SORBS2: variants seen among roughly 807,000 people sequenced by gnomAD.
SORBS2 encodes sorbin and SH3 domain containing 2.
Under a neutral mutation model 97.7 loss-of-function variants are expected in SORBS2, and 46 were observed. The observed-to-expected ratio is 0.47, with a 90% CI of 0.37 to 0.60. SORBS2 has a LOEUF of 0.60. Among genes scored for constraint, SORBS2 ranks in the 20% least tolerant of loss-of-function variants. SORBS2 has a pLI of 0.00. For missense variants in SORBS2, 1,316 were observed against 1,282.3 expected (o/e 1.03, Z -0.40); for synonymous variants, 476 against 473.4 (o/e 1.01, Z -0.07).
chr4:185,675,650 C>A lies in SORBS2; in HGVS notation c.-46+2773G>T, dbSNP rs77797613. ...TAATACCTACTCCATGAGATTGTGG[C>A]AATTATTAATAAACATAAACAAGCT... On this transcript the variant is annotated intron_variant, in intron 4 of 20. Coordinates refer to the SORBS2 transcript ENST00000284776. Among the ~76,000 whole-genome samples the A allele has an allele frequency of 9.4e-3, 1,435 of 152,208 alleles. 31 individuals carry two copies. Among genetic ancestry groups the A allele is most frequent in the African/African-American group, 0.032 (1,345 of 41,526 alleles).
At chr4:185,875,072 T>A (rs1182598484) in intron 1 of SORBS2, among the ~76,000 whole-genome samples, 1 of 152,130 alleles carries the variant, frequency 6.6e-6, no homozygotes, top group Non-Finnish European at 1.5e-5. Context: ...TACCAGGAAG[T>A]ATGTCCTCAA....
chr4:185,780,886 CT>C (rs1460350011), intron 1 of SORBS2, among the ~76,000 whole-genome samples: 2 of 152,172 alleles, frequency 1.3e-5, no homozygotes, highest in African/African-American at 4.8e-5. Context: ...CTTAAAACCT[CT>C]GTTAGAAGCT....
At chr4:185,733,858 T>C (rs2098663417) in intron 2 of SORBS2, 1 of 152,162 alleles carries the variant, frequency 6.6e-6, no homozygotes, top group Admixed American at 6.5e-5. Flanking sequence ...CTCTTGCAAA[T>C]CAATCAGCCT....
chr4:185,738,140 G>A (rs1308048220), intron 2 of SORBS2, among the ~76,000 whole-genome samples: 5 of 152,224 alleles, frequency 3.3e-5, no homozygotes, highest in Non-Finnish European at 7.3e-5. Flanking sequence ...GGAGCTTTGA[G>A]ATGACACATA....
chr4:185,821,874 G>A (rs772486254), intron 1 of SORBS2, among the ~76,000 whole-genome samples: 1 of 152,238 alleles, frequency 6.6e-6, no homozygotes, highest in Non-Finnish European at 1.5e-5. Context: ...TCATTATTAC[G>A]AAACATGTCT....
intron 2 of SORBS2, among the ~76,000 whole-genome samples, chr4:185,652,100 G>C (rs192347093): frequency 6.6e-6 from 1 of 152,212 alleles, no homozygotes; most frequent in East Asian, 1.9e-4. Context: ...AGCCTTCTGA[G>C]TAGCTGGGAT....
chr4:185,626,769 A>G (rs2096822822), intron 6 of SORBS2, 63 bp downstream of exon 18: 3 of 1,521,192 alleles, frequency 2.0e-6, no homozygotes, highest in Non-Finnish European at 2.7e-6. Flanking sequence ...GCCAGCTTTC[A>G]CACAGTGCTC....
chr4:185,867,481 G>A (rs2099227590), intron 1 of SORBS2, among the ~76,000 whole-genome samples: 1 of 152,180 alleles, frequency 6.6e-6, no homozygotes, highest in South Asian at 2.1e-4. Flanking sequence ...TGTCATGTCT[G>A]CAAGATCTAT....
intron 1 of SORBS2, among the ~76,000 whole-genome samples, chr4:185,921,188 G>T (rs541875022): frequency 6.6e-6 from 1 of 152,212 alleles, no homozygotes. Flanking sequence ...TCTCGTAGAC[G>T]TTAGACAGCT....
At chr4:185,731,512 GCCTATCTCTCTCCCCCTCCCTCTCTC>G (rs1294681852) in intron 2 of SORBS2, among the ~76,000 whole-genome samples, 47 of 65,972 alleles carry the variant, frequency 7.1e-4, no homozygotes, top group African/African-American at 2.8e-3. Flanking sequence ...CTCCCTCCCT[GCCTATCTCTCTCCCCCTCCCTCTCTC>G]CCTGCCTCTC....
chr4:185,921,266 A>G (rs1320903599), intron 1 of SORBS2, among the ~76,000 whole-genome samples: 1 of 152,232 alleles, frequency 6.6e-6, no homozygotes, highest in Non-Finnish European at 1.5e-5. Flanking sequence ...TGGGGATAAC[A>G]TCAATACCGT....
Position 185,607,161 on chromosome 4 carries a change from A to C in SORBS2, c.2796+4619T>G. On this transcript the variant is annotated intron_variant, in intron 12 of 14. Transcript: ENST00000418609. This position sits in a 1 kb window ranked among gnomAD's most constrained non-coding sequence, Gnocchi z 5.2. ...TGGCTTGGTCAGCTGACAAGGTTAA[A>C]GCACCAAGCTTCTCCAATTCACCCA... is the stretch of plus-strand genomic sequence containing the variant. 9.0e-7 allele frequency: 1 copy of C among 1,113,560 alleles called. No homozygotes were observed. The highest frequency in any genetic ancestry group is 1.1e-6 in the Non-Finnish European group (1 of 903,504). 69.0% of individuals were successfully genotyped at this position (1,113,560 alleles called of 1,614,324 possible).
intron 1 of SORBS2, among the ~76,000 whole-genome samples, chr4:185,883,686 A>C (rs927202540): frequency 2.0e-5 from 3 of 152,220 alleles, no homozygotes; most frequent in Non-Finnish European, 2.9e-5. Context: ...ACAACAACAA[A>C]AAATTAACAA....
chr4:185,678,586 A>G (rs1049056854), intron 3 of SORBS2, 39 bp from the exon 7 acceptor site: 7 of 1,480,240 alleles, frequency 4.7e-6, no homozygotes, highest in African/African-American at 4.3e-5. Flanking sequence ...AAAAATATCT[A>G]CGTTCACTTA....
At chr4:185,654,841 A>G (rs2097370616) in intron 1 of SORBS2, among the ~76,000 whole-genome samples, 1 of 152,188 alleles carries the variant, frequency 6.6e-6, no homozygotes. Flanking sequence ...ATAGACCTGA[A>G]TTTTTACATT....
intron 1 of SORBS2, among the ~76,000 whole-genome samples, chr4:185,955,576 C>A (rs1311770661): frequency 2.6e-5 from 4 of 152,202 alleles, no homozygotes; most frequent in African/African-American, 9.7e-5. Flanking sequence ...ATTAAATTAT[C>A]CTTCCAATTA....
intron 2 of SORBS2, among the ~76,000 whole-genome samples, chr4:185,685,992 A>G (rs1186278759): frequency 1.3e-5 from 2 of 152,208 alleles, no homozygotes; most frequent in Non-Finnish European, 2.9e-5. Context: ...CCAATGTTCT[A>G]TTTATGACCA....
At chr4:185,731,769 C>T (rs11943390) in intron 2 of SORBS2, among the ~76,000 whole-genome samples, 38,922 of 60,080 alleles carry the variant, frequency 0.65, 13,647 homozygotes, top group East Asian at 0.87. Flanking sequence ...CCTCCCTCCC[C>T]GCCTGTCTCT....
intron 2 of SORBS2, among the ~76,000 whole-genome samples, chr4:185,736,118 C>T (rs2098686058): frequency 1.3e-5 from 2 of 152,210 alleles, no homozygotes; most frequent in Admixed American, 1.3e-4. Context: ...CTCTCCACTG[C>T]CGCAGCGCGA....
Sources: allele counts gnomAD v4.1 joint callset (sites outside exome capture counted in the v4.1 genomes callset), GRCh38; gene constraint gnomAD v4.1.1; non-coding constraint Gnocchi (gnomAD v3.1); transcripts MANE v1.5; gene names NCBI Gene and HGNC (gene_info 2026-07-23, HGNC 2026-07-21).